Variants in SLC7A2 observed in about 807,000 individuals in gnomAD.
SLC7A2 encodes cationic amino acid transporter 2.
SLC7A2 carries 48 observed loss-of-function variants against 58.9 expected under a neutral mutation model. The observed-to-expected ratio is 0.82, with a 90% CI of 0.65 to 1.04. The LOEUF (loss-of-function observed/expected upper bound fraction) is 1.04. Ranked by LOEUF, SLC7A2 falls within the 50% of genes least tolerant of loss-of-function variation. The pLI is 0.00. For missense variants in SLC7A2, 1,029 were observed against 818.8 expected, an observed-to-expected ratio of 1.26 and a Z score of -3.13; for synonymous variants, 363 against 314.5, an observed-to-expected ratio of 1.15 and a Z score of -1.63.
intron 11 of SLC7A2, among the ~76,000 whole-genome samples, chr8:17,563,317 G>A (rs910786000): frequency 6.6e-6 from 1 of 152,130 alleles, no homozygotes; most frequent in Admixed American, 6.6e-5. Flanking sequence ...TCTCCCCTTT[G>A]TGTGTCTAAA....
chr8:17,561,469 G>A (rs1401152763), intron 10 of SLC7A2, among the ~76,000 whole-genome samples: 1 of 152,122 alleles, frequency 6.6e-6, no homozygotes, highest in African/African-American at 2.4e-5. Flanking sequence ...ATCTTGCACT[G>A]GGTTCCTCCC....
In SLC7A2 at chr8:17,565,400, A is replaced by G. The variant is rs77477437; in HGVS notation, c.*254A>G. 3,016 of 425,502 alleles carry G rather than the reference A, an allele frequency of 7.1e-3. 82 individuals carry two copies. Among genetic ancestry groups the G allele is most frequent in the African/African-American group, 0.055 (2,765 of 50,374 alleles). The allele number at this position is 425,502 out of a possible 1,614,324, so 26.4% of individuals were successfully genotyped here. A position where few individuals can be genotyped will look rare whatever the true frequency, so the allele number is the denominator to read the frequency against. On this transcript the variant is annotated 3_prime_UTR_variant, in exon 13 of 13. Coordinates refer to ENST00000494857, the MANE Select transcript of SLC7A2 (RefSeq NM_001370338.1). ...AGTGGGAGTGTGTATGTATGTGTGT[A>G]TGTATGTATCTATGTATATGCTTGG...
chr8:17,555,181 T>TAA, intron 8 of SLC7A2: 2 of 1,072,866 alleles, frequency 1.9e-6, no homozygotes, highest in Non-Finnish European at 2.6e-6. Flanking sequence ...GCATGTAAGT[T>TAA]AAAAAAAACA....
In SLC7A2 at chr8:17,561,951, C is replaced by T. The variant is rs148420262; in HGVS notation, c.1512C>T (p.Leu504=). 5.4e-5 allele frequency: 87 copies of T among 1,614,028 alleles called. No individual in the cohort carries two copies. In the African/African-American group the frequency reaches 6.9e-4, roughly 13 times the overall value. The stretch of plus-strand genomic sequence containing the variant: ...CTACACATCCCCCTGCAGCTTTCCT[C>T]GTGTTGGGCCTGAGTGTCTTGACCA... ...VSFLVGFLAF[L]VLGLSVLTTY... is the part of the protein sequence containing the mutation. Residue 504 remains leucine (L), a synonymous_variant, in exon 11 of 13, where the codon CTC becomes CTT. Coordinates refer to ENST00000494857, the MANE Select transcript of SLC7A2 (RefSeq NM_001370338.1).
chr8:17,517,104 C>T (rs1388084588), intron 2 of SLC7A2, among the ~76,000 whole-genome samples: 3 of 152,154 alleles, frequency 2.0e-5, no homozygotes, highest in African/African-American at 7.2e-5. Flanking sequence ...AATATCTCTG[C>T]TCACTCCCCC....
chr8:17,543,211 CA>C, intron 2 of SLC7A2, 106 bp from the exon 3 acceptor site: 3 of 984,536 alleles, frequency 3.0e-6, no homozygotes, highest in Non-Finnish European at 4.5e-6. Context: ...CACACACACA[CA>C]CACAAACACA....
rs763376279 is a variant in SLC7A2, at chr8:17,552,004, TG to T, written c.1055+22del. On this transcript the variant is annotated intron_variant, in intron 7 of 12. Transcript: ENST00000494857. ...TCAACAAGGTACATTGCATCGCCTTTGGGGCACGGGCTGTTTGGGACTCTAC... is the reference window on the plus strand; with the variant it reads ...TCAACAAGGTACATTGCATCGCCTTTGGGCACGGGCTGTTTGGGACTCTAC... 8.1e-6 allele frequency: 13 copies of T among 1,607,634 alleles called. No homozygotes were observed. The highest frequency in any genetic ancestry group is 1.1e-5 in the Non-Finnish European group (13 of 1,174,276).
chr8:17,504,729 C>T lies in SLC7A2; in HGVS notation c.-23+2427C>T, dbSNP rs145232814. ...AATTGTATAATATTTACAACTTAAG[C>T]GCCATACTGTTTGAGCAGTCTCTGA... On this transcript the variant is annotated intron_variant, in intron 2 of 12. Coordinates refer to ENST00000494857, the MANE Select transcript of SLC7A2 (RefSeq NM_001370338.1). Among the ~76,000 whole-genome samples the T allele has an allele frequency of 7.9e-3, 1,196 of 152,232 alleles. 11 individuals are homozygous for T. The highest frequency in any genetic ancestry group is 0.027 in the African/African-American group (1,125 of 41,526).
chr8:17,528,250 G>A (rs1275140918), intron 2 of SLC7A2, among the ~76,000 whole-genome samples: 1 of 152,150 alleles, frequency 6.6e-6, no homozygotes, highest in African/African-American at 2.4e-5. Flanking sequence ...ATTAATAGAA[G>A]TAGACAAAAT....
intron 2 of SLC7A2, among the ~76,000 whole-genome samples, chr8:17,535,094 C>T (rs2588233): frequency 0.44 from 66,983 of 151,976 alleles, 16,564 homozygotes; most frequent in Non-Finnish European, 0.55. Context: ...TCAAATTCTA[C>T]GTCTGGCTTA....
At chr8:17,549,276 G>C (rs1157277952) in intron 5 of SLC7A2, among the ~76,000 whole-genome samples, 1 of 152,234 alleles carries the variant, frequency 6.6e-6, no homozygotes, top group Non-Finnish European at 1.5e-5. Flanking sequence ...GCATATGTGG[G>C]TTTTCTTCTA....
chr8:17,523,398 T>A (rs1451621808), intron 2 of SLC7A2, among the ~76,000 whole-genome samples: 1 of 152,202 alleles, frequency 6.6e-6, no homozygotes, highest in African/African-American at 2.4e-5. Flanking sequence ...AACAGCATGG[T>A]ATTGGTATAA....
rs149187759 is a variant in SLC7A2 at position 17,543,358 on chromosome 8, G to C, written c.19G>C (p.Ala7Pro). 2.5e-6 allele frequency: 4 copies of C among 1,613,680 alleles called. No individual in the cohort carries two copies. The African/African-American group carries it at 5.3e-5, about 22-fold the overall frequency. The change falls in exon 3 of 13, where the codon GCG becomes CCG. Residue 7 changes from alanine (A) to proline (P), a missense_variant. Ala to Pro is a conservative substitution (Grantham distance 27). Coordinates refer to ENST00000494857, the MANE Select transcript of SLC7A2 (RefSeq NM_001370338.1). MIPCRAALTFARCLIRR... is the reference protein window; with the variant it reads MIPCRAPLTFARCLIRR... ...CGTCAGAATGATTCCTTGCAGAGCC[G>C]CGCTGACCTTTGCCCGATGTCTGAT...
At chr8:17,504,337 G>C (rs1380172996) in intron 2 of SLC7A2, among the ~76,000 whole-genome samples, 1 of 152,126 alleles carries the variant, frequency 6.6e-6, no homozygotes, top group Non-Finnish European at 1.5e-5. Flanking sequence ...TTCTTATGGA[G>C]TTCAGTGTCT....
intron 2 of SLC7A2, among the ~76,000 whole-genome samples, chr8:17,512,809 C>T (rs1050127730): frequency 6.6e-6 from 1 of 152,138 alleles, no homozygotes; most frequent in African/African-American, 2.4e-5. Flanking sequence ...CCCTTCCGCC[C>T]TGGCCAACCA....
intron 2 of SLC7A2, among the ~76,000 whole-genome samples, chr8:17,523,119 C>T (rs1222380999): frequency 1.3e-5 from 2 of 151,970 alleles, no homozygotes; most frequent in Admixed American, 1.3e-4. Context: ...AACAAACCTG[C>T]ATGTTCTGCA....
At chr8:17,545,269 G>A (rs1002084763) in intron 4 of SLC7A2, among the ~76,000 whole-genome samples, 1 of 152,190 alleles carries the variant, frequency 6.6e-6, no homozygotes, top group Middle Eastern at 3.4e-3. Flanking sequence ...TAAAATGAGG[G>A]CATCAGTGTC....
chr8:17,502,072 A>T (rs1210791347), intron 1 of SLC7A2, among the ~76,000 whole-genome samples, 185 bp from the exon 2 acceptor site: 1 of 151,656 alleles, frequency 6.6e-6, no homozygotes, highest in Admixed American at 6.6e-5. Flanking sequence ...ACAATTATAT[A>T]TATATATGTA....
In SLC7A2 at chr8:17,568,451, A is replaced by G. The variant is rs1202324401; in HGVS notation, c.*3305A>G. 1 of 152,162 alleles carries G rather than the reference A, an allele frequency of 6.6e-6. No individual in the cohort carries two copies. The highest frequency in any genetic ancestry group is 1.9e-4 in the East Asian group (1 of 5,198). 9.4% of individuals were successfully genotyped at this position (152,162 alleles called of 1,614,324 possible). A position where few individuals can be genotyped will look rare whatever the true frequency, so the allele number is the denominator to read the frequency against. On this transcript the variant is annotated 3_prime_UTR_variant, in exon 13 of 13. Transcript: ENST00000494857. ...AAAGCCAAAGTGTCATTTAAGAGAG[A>G]TATATATGAAAAAGTAACATTAATA...
Sources: allele counts gnomAD v4.1 joint callset (sites outside exome capture counted in the v4.1 genomes callset), GRCh38; gene constraint gnomAD v4.1.1; transcripts MANE v1.5; gene names NCBI Gene and HGNC (gene_info 2026-07-23, HGNC 2026-07-21).